ZNF185: variants seen among roughly 807,000 people sequenced by gnomAD.
The protein encoded by ZNF185 is zinc finger protein 185.
A neutral mutation model predicts 58.6 loss-of-function variants in ZNF185; 56 were observed. The ratio of observed to expected loss-of-function variants is 0.95; its 90% CI spans 0.77 to 1.19. The LOEUF (loss-of-function observed/expected upper bound fraction) is 1.19. ZNF185 is among the 50% of genes most tolerant of loss of function. The pLI is 0.00. For missense variants in ZNF185, 627 were observed against 573.5 expected (o/e 1.09, Z -0.95); for synonymous variants, 230 against 215.9 (o/e 1.07, Z -0.57).
At chrX:152,958,409 T>C (rs2049073717) in intron 16 of ZNF185, among the ~76,000 whole-genome samples, 1 of 111,226 alleles carries the variant, frequency 9.0e-6, no homozygotes, top group Non-Finnish European at 1.9e-5. Context: ...AAGTTCCATT[T>C]TGACTACTAT....
upstream of ZNF185, among the ~76,000 whole-genome samples, chrX:152,910,740 C>T (rs143818191): frequency 5.4e-3 from 608 of 112,302 alleles, 4 homozygotes; most frequent in African/African-American, 0.018. Context: ...ACCAGCAGGC[C>T]TGCCCTTAAG....
At chrX:152,963,942 T>C (rs2049832099) in exon 18 of ZNF185, 1 of 1,210,045 alleles carries the variant, frequency 8.3e-7, no homozygotes, top group Admixed American at 2.2e-5. Flanking sequence ...GGACTCCAGC[T>C]CTACCACGTA....
chrX:152,905,092 G>A, the ZNF185 span, among the ~76,000 whole-genome samples: 1 of 113,069 alleles, frequency 8.8e-6, no homozygotes, highest in African/African-American at 3.2e-5. Context: ...GCATGGATGT[G>A]TGGCTTTGTG....
exon 15 of ZNF185, chrX:152,938,085 C>T (rs868911706): frequency 5.1e-6 from 6 of 1,177,677 alleles, no homozygotes; most frequent in Non-Finnish European, 6.8e-6. Context: ...TCCAGTGCCA[C>T]TTCAGTCTCT....
chrX:152,965,547 C>G lies in ZNF185; in HGVS notation c.1799+20C>G. ...TAGCAAGTAAGAGCGGGTCCCAAAC[C>G]CTTCCATGTCGGCCTTCTCCTGCCG... On this transcript the variant is annotated intron_variant, in intron 19 of 22. Coordinates refer to ENST00000449285, the Ensembl canonical transcript of ZNF185. The G allele has an allele frequency of 8.7e-7, 1 of 1,146,128 alleles. No individual in the cohort carries two copies. The highest frequency in any genetic ancestry group is 1.2e-6 in the Non-Finnish European group (1 of 851,320). The allele number at this position is 1,146,128 out of a possible 1,213,427, so 94.5% of individuals were successfully genotyped here.
At chrX:152,914,502 G>T (rs1321863679) in exon 1 of ZNF185, 8 of 1,182,991 alleles carry the variant, frequency 6.8e-6, no homozygotes, top group Non-Finnish European at 9.1e-6. Context: ...GAGTATCTCA[G>T]CTCTTGGAGG....
chrX:152,924,971 C>T (rs1450009213), intron 11 of ZNF185, among the ~76,000 whole-genome samples: 3 of 111,650 alleles, frequency 2.7e-5, no homozygotes, highest in Non-Finnish European at 5.7e-5. Flanking sequence ...CGTGAGCCAC[C>T]GCGCTTGGCC....
chrX:152,964,635 G>T (rs1346849778), intron 18 of ZNF185, among the ~76,000 whole-genome samples: 1 of 111,982 alleles, frequency 8.9e-6, no homozygotes, highest in African/African-American at 3.3e-5. Flanking sequence ...TCCAACACTG[G>T]GAATCACATT....
chrX:152,958,913 C>T (rs1380368173), intron 16 of ZNF185, among the ~76,000 whole-genome samples: 2 of 112,299 alleles, frequency 1.8e-5, no homozygotes, highest in African/African-American at 3.2e-5. Context: ...GTGCGGCCGG[C>T]GTGAGTACGC....
At chrX:152,943,136 C>T (rs1336340874) in intron 15 of ZNF185, among the ~76,000 whole-genome samples, 1 of 110,968 alleles carries the variant, frequency 9.0e-6, no homozygotes, top group Non-Finnish European at 1.9e-5. Flanking sequence ...TCCCAAGTAG[C>T]TGGGACTACA....
At chrX:152,915,982 C>T (rs1938383118) in intron 3 of ZNF185, among the ~76,000 whole-genome samples, 1 of 112,020 alleles carries the variant, frequency 8.9e-6, no homozygotes, top group Non-Finnish European at 1.9e-5. Context: ...GTCTCTCTGT[C>T]ACCCCTCGAT....
chrX:152,918,363 G>A (rs900452193), intron 6 of ZNF185, among the ~76,000 whole-genome samples: 8 of 113,135 alleles, frequency 7.1e-5, no homozygotes, highest in Non-Finnish European at 1.1e-4. Context: ...CACATTGCAC[G>A]TCTGATCCGA....
At chrX:152,956,167 C>A (rs186900246) in intron 16 of ZNF185, among the ~76,000 whole-genome samples, 61 of 111,795 alleles carry the variant, frequency 5.5e-4, no homozygotes, top group African/African-American at 1.8e-3. Context: ...ATACAGTGCA[C>A]TGGGGAGACT....
upstream of ZNF185, among the ~76,000 whole-genome samples, chrX:152,911,005 A>G (rs1232000452): frequency 3.6e-5 from 4 of 111,675 alleles, no homozygotes; most frequent in African/African-American, 1.3e-4. Flanking sequence ...GCTTCAGGCA[A>G]TCACTCCCTG....
chrX:152,955,130 A>G (rs2048693443), intron 16 of ZNF185, among the ~76,000 whole-genome samples: 1 of 111,984 alleles, frequency 8.9e-6, no homozygotes. Context: ...CTATTGTTAC[A>G]GGTACACACT....
intron 18 of ZNF185, 93 bp from the exon 21 acceptor site, chrX:152,965,354 G>A: frequency 1.2e-6 from 1 of 802,742 alleles, no homozygotes; most frequent in Non-Finnish European, 1.8e-6. Context: ...AACCAGGCTG[G>A]GTCTCCCCAG....
exon 17 of ZNF185, chrX:152,959,863 A>G: frequency 7.4e-6 from 9 of 1,211,278 alleles, no homozygotes; most frequent in Non-Finnish European, 1.0e-5. Context: ...AGCGGATCTG[A>G]GCAATTCGTC....
At chrX:152,921,827 G>A (rs1556869736) in intron 9 of ZNF185, among the ~76,000 whole-genome samples, 2 of 111,472 alleles carry the variant, frequency 1.8e-5, no homozygotes, top group African/African-American at 6.5e-5. Context: ...CTGTGTGTCT[G>A]TGTCCAGATT....
At chrX:152,971,972 T>G (rs968000590) in exon 23 of ZNF185, 5 of 112,092 alleles carry the variant, frequency 4.5e-5, no homozygotes, top group Non-Finnish European at 7.5e-5. Flanking sequence ...CTGTGTCTGT[T>G]GGAATCTTGA....
Sources: allele counts gnomAD v4.1 joint callset (sites outside exome capture counted in the v4.1 genomes callset), GRCh38; gene constraint gnomAD v4.1.1; transcripts MANE v1.5; gene names NCBI Gene and HGNC (gene_info 2026-07-23, HGNC 2026-07-21).